The following ATOSA variants were observed in gnomAD, a reference collection of about 807,000 sequenced individuals.
The protein encoded by ATOSA is atos homolog A.
chr15:52,601,464 C>A, the ATOSA span, among the ~76,000 whole-genome samples: 4 of 148,182 alleles, frequency 2.7e-5, no homozygotes, highest in Non-Finnish European at 3.0e-5. Context: ...ATATAAGGAA[C>A]ATTTTGCTTT....
chr15:52,600,573 A>G, the ATOSA span, among the ~76,000 whole-genome samples: 1 of 152,156 alleles, frequency 6.6e-6, no homozygotes, highest in Non-Finnish European at 1.5e-5. Flanking sequence ...ATCTTTCTTT[A>G]TATTTTATAT....
the ATOSA span, among the ~76,000 whole-genome samples, chr15:52,608,373 A>G: frequency 6.6e-6 from 1 of 152,144 alleles, no homozygotes; most frequent in South Asian, 2.1e-4. Context: ...TCCTCCATTT[A>G]CTTAGCATTT....
the ATOSA span, chr15:52,657,955 T>A: frequency 6.6e-6 from 1 of 152,184 alleles, no homozygotes; most frequent in Admixed American, 6.5e-5. Context: ...GATGTTGTCA[T>A]GGGGGAGCAA....
chr15:52,588,463 C>T, the ATOSA span, among the ~76,000 whole-genome samples: 9 of 151,954 alleles, frequency 5.9e-5, no homozygotes, highest in African/African-American at 2.2e-4. Flanking sequence ...TTTTGAGATG[C>T]TTTCTCACTC....
the ATOSA span, among the ~76,000 whole-genome samples, chr15:52,673,567 G>T: frequency 1.1e-4 from 16 of 152,334 alleles, no homozygotes; most frequent in South Asian, 3.3e-3. Flanking sequence ...ACTTAAGACA[G>T]TGCCTGGCAC....
At chr15:52,658,557 C>T in the ATOSA span, 7 of 359,808 alleles carry the variant, frequency 1.9e-5, no homozygotes, top group Admixed American at 1.7e-4. Flanking sequence ...AATTGAAGCT[C>T]GCACTTAATG....
the ATOSA span, among the ~76,000 whole-genome samples, chr15:52,698,858 A>G: frequency 1.3e-5 from 2 of 152,216 alleles, no homozygotes; most frequent in Non-Finnish European, 2.9e-5. Context: ...TCATTTTAGT[A>G]TTTGTATGTT....
chr15:52,626,067 A>G, the ATOSA span, among the ~76,000 whole-genome samples: 3 of 152,206 alleles, frequency 2.0e-5, no homozygotes, highest in Admixed American at 6.5e-5. Flanking sequence ...TGTATGCCAT[A>G]TAAGTGTTAA....
the ATOSA span, among the ~76,000 whole-genome samples, chr15:52,704,017 C>T: frequency 6.6e-6 from 1 of 152,006 alleles, no homozygotes; most frequent in African/African-American, 2.4e-5. Context: ...TATATACTAC[C>T]TTTTTATAGG....
the ATOSA span, among the ~76,000 whole-genome samples, chr15:52,663,727 C>G: frequency 2.6e-5 from 4 of 152,130 alleles, no homozygotes; most frequent in Non-Finnish European, 5.9e-5. Flanking sequence ...CTCAAGTGAT[C>G]CTCCCATCTC....
the ATOSA span, among the ~76,000 whole-genome samples, chr15:52,599,797 C>A: frequency 6.6e-6 from 1 of 152,140 alleles, no homozygotes. Context: ...TATTAGCCCA[C>A]CACTATTTTC....
At chr15:52,613,730 T>C in the ATOSA span, 4 of 1,613,848 alleles carry the variant, frequency 2.5e-6, no homozygotes, top group African/African-American at 5.3e-5. Flanking sequence ...AAGACTGTGC[T>C]GGAGGGCAAT....
At chr15:52,671,011 AT>A in the ATOSA span, among the ~76,000 whole-genome samples, 2 of 152,130 alleles carry the variant, frequency 1.3e-5, no homozygotes, top group Non-Finnish European at 2.9e-5. Context: ...AGGTTTACCA[AT>A]TTGAACATAC....
chr15:52,598,913 G>A, the ATOSA span, among the ~76,000 whole-genome samples: 2 of 152,028 alleles, frequency 1.3e-5, no homozygotes, highest in Non-Finnish European at 2.9e-5. Flanking sequence ...AAAGCATATG[G>A]CACCTCCCTC....
the ATOSA span, among the ~76,000 whole-genome samples, chr15:52,691,069 A>G: frequency 6.6e-6 from 1 of 152,114 alleles, no homozygotes; most frequent in Non-Finnish European, 1.5e-5. Flanking sequence ...GGGGGAGTGG[A>G]GAGTTGAGGG....
the ATOSA span, chr15:52,678,136 A>C: frequency 7.8e-7 from 1 of 1,278,998 alleles, no homozygotes; most frequent in African/African-American, 1.5e-5. Context: ...AAAGAGACAA[A>C]AATAAAATTA....
At chr15:52,685,751 C>T in the ATOSA span, among the ~76,000 whole-genome samples, 1 of 151,942 alleles carries the variant, frequency 6.6e-6, no homozygotes, top group Admixed American at 6.6e-5. Context: ...CTCTGTCACC[C>T]AGGCTGGAGT....
chr15:52,696,741 A>G, the ATOSA span, among the ~76,000 whole-genome samples: 1 of 152,090 alleles, frequency 6.6e-6, no homozygotes, highest in Non-Finnish European at 1.5e-5. Flanking sequence ...CTACCACTAG[A>G]TTTTTTTAAA....
the ATOSA span, among the ~76,000 whole-genome samples, chr15:52,684,651 CAAGAAGTGAA>C: frequency 6.6e-6 from 1 of 152,282 alleles, no homozygotes; most frequent in South Asian, 2.1e-4. Flanking sequence ...GCCAAAAGGC[CAAGAAGTGAA>C]TCTAATTTTT....
Sources: gnomAD v4.1 joint callset for allele counts (sites outside exome capture counted in the v4.1 genomes callset) on GRCh38, gnomAD v4.1.1 for gene constraint, MANE v1.5 for transcripts, NCBI Gene and HGNC (gene_info 2026-07-23, HGNC 2026-07-21) for gene names.